NKAIN2: variants seen among roughly 807,000 people sequenced by gnomAD.
NKAIN2 encodes the protein sodium/potassium transporting ATPase interacting 2, also known as sodium/potassium-transporting ATPase subunit beta-1-interacting protein 2.
Under a neutral mutation model 32.6 loss-of-function variants are expected in NKAIN2, and 14 were observed. The observed-to-expected ratio is 0.43, with a 90% CI of 0.28 to 0.67. The LOEUF (loss-of-function observed/expected upper bound fraction) is 0.67, where lower values mean the gene tolerates loss of function less well. Ranked by LOEUF, NKAIN2 falls within the 30% of genes least tolerant of loss-of-function variation. The pLI, the probability that NKAIN2 is intolerant of heterozygous loss-of-function variation, is 0.17. For missense variants in NKAIN2, 198 were observed against 258.3 expected, an observed-to-expected ratio of 0.77 and a Z score of 1.60; for synonymous variants, 80 against 87.2, an observed-to-expected ratio of 0.92 and a Z score of 0.46.
At chr6:123,807,072 C>G (rs568342636) in intron 1 of NKAIN2, among the ~76,000 whole-genome samples, 4 of 152,084 alleles carry the variant, frequency 2.6e-5, no homozygotes, top group African/African-American at 9.6e-5. Flanking sequence ...ATTTACCTGT[C>G]AGAATTCTAT....
intron 1 of NKAIN2, among the ~76,000 whole-genome samples, chr6:123,841,883 C>G (rs1455539318): frequency 2.0e-5 from 3 of 152,148 alleles, no homozygotes; most frequent in Admixed American, 6.5e-5. Flanking sequence ...GTCAGTCAAG[C>G]AACTATAGGA....
At chr6:124,101,279 C>T (rs72976407) in intron 1 of NKAIN2, among the ~76,000 whole-genome samples, 2,929 of 152,236 alleles carry the variant, frequency 0.019, 28 homozygotes, top group Non-Finnish European at 0.029. Flanking sequence ...TTGTTAATCT[C>T]TGAAAATCTG....
At chr6:124,148,033 T>G (rs1787507557) in intron 1 of NKAIN2, among the ~76,000 whole-genome samples, 1 of 152,182 alleles carries the variant, frequency 6.6e-6, no homozygotes, top group African/African-American at 2.4e-5. Context: ...GATATAGGTA[T>G]TCTATAATCA....
chr6:124,344,239 G>T (rs2115096149), intron 2 of NKAIN2, among the ~76,000 whole-genome samples: 1 of 152,242 alleles, frequency 6.6e-6, no homozygotes, highest in East Asian at 1.9e-4. Context: ...CTGTAGCCTT[G>T]TAGTATAGTT....
intron 1 of NKAIN2, among the ~76,000 whole-genome samples, chr6:124,210,266 T>G (rs1339950147): frequency 1.3e-5 from 2 of 151,786 alleles, no homozygotes; most frequent in African/African-American, 4.8e-5. Flanking sequence ...CTGTAATTTA[T>G]GGGTTGTCTA....
Position 124,197,194 on chromosome 6 carries a change from A to G in NKAIN2, c.55-85811A>G, listed in dbSNP as rs181817021. On this transcript the variant is annotated intron_variant, in intron 1 of 6. Coordinates refer to ENST00000368417, the MANE Select transcript of NKAIN2 (RefSeq NM_001040214.3). ...TCTTTTATTTTAAAATACTGCATTT[A>G]TTTTTCTCTATGCTAAATTCATAAG... Among the ~76,000 whole-genome samples, 27 of 151,830 alleles carry G rather than the reference A, an allele frequency of 1.8e-4. 1 individual carries two copies. The East Asian group carries it at 4.8e-3, about 27-fold the overall frequency.
chr6:124,316,636 C>T (rs2115013771), intron 2 of NKAIN2, among the ~76,000 whole-genome samples: 2 of 152,134 alleles, frequency 1.3e-5, no homozygotes, highest in South Asian at 2.1e-4. Flanking sequence ...TCATAAGATA[C>T]AGTTAAGAAA....
chr6:123,895,634 G>C (rs538123430), intron 1 of NKAIN2, among the ~76,000 whole-genome samples: 1 of 152,116 alleles, frequency 6.6e-6, no homozygotes, highest in Non-Finnish European at 1.5e-5. Context: ...ACTAGGGTGG[G>C]GAGTTAGCCA....
intron 1 of NKAIN2, among the ~76,000 whole-genome samples, chr6:124,024,303 T>C (rs1382590334): frequency 6.6e-6 from 1 of 152,090 alleles, no homozygotes; most frequent in Non-Finnish European, 1.5e-5. Flanking sequence ...TATACCCAGA[T>C]TACTCATATT....
chr6:124,128,874 C>T (rs1030546791), intron 1 of NKAIN2, among the ~76,000 whole-genome samples: 7 of 152,156 alleles, frequency 4.6e-5, no homozygotes, highest in African/African-American at 1.4e-4. Context: ...TGTCTGAATA[C>T]GTTTCTGATC....
chr6:124,415,878 C>CTTTTTTTTTTTTTTCTTTTTTT (rs1774444954), intron 3 of NKAIN2, among the ~76,000 whole-genome samples: 1 of 72,590 alleles, frequency 1.4e-5, no homozygotes, highest in Non-Finnish European at 2.6e-5. Flanking sequence ...TTTTTATTTG[C>CTTTTTTTTTTTTTTCTTTTTTT]TTTTTTTTTT....
At chr6:124,122,331 T>C (rs1054198589) in intron 1 of NKAIN2, among the ~76,000 whole-genome samples, 6 of 152,118 alleles carry the variant, frequency 3.9e-5, no homozygotes, top group African/African-American at 1.4e-4. Flanking sequence ...AAACAAGATG[T>C]TTAGTCTGGG....
rs552496023 is a variant in NKAIN2, at chr6:124,633,869, T to C, written c.274-24317T>C. Among the ~76,000 whole-genome samples the C allele has an allele frequency of 2.1e-4, 32 of 152,254 alleles. No individual in the cohort carries two copies. In the South Asian group the frequency reaches 6.6e-3, roughly 32 times the overall value. On this transcript the variant is annotated intron_variant, in intron 3 of 6. Coordinates refer to ENST00000368417, the MANE Select transcript of NKAIN2 (RefSeq NM_001040214.3). ...CACTGGTAGAGTCACTGCACAACCA[T>C]GCATGTGCCTCAGGCTCTTGAGAGC...
chr6:123,825,622 A>G (rs577195190), intron 1 of NKAIN2, among the ~76,000 whole-genome samples: 1 of 152,264 alleles, frequency 6.6e-6, no homozygotes, highest in Admixed American at 6.5e-5. Flanking sequence ...TGAAATGGGC[A>G]TATTCAGCTA....
At chr6:123,934,495 T>G (rs1302244025) in intron 1 of NKAIN2, among the ~76,000 whole-genome samples, 1 of 152,190 alleles carries the variant, frequency 6.6e-6, no homozygotes, top group Non-Finnish European at 1.5e-5. Context: ...GCCATTTATT[T>G]TATGCACATT....
At chr6:124,719,011 C>CTT (rs1775894671) in intron 4 of NKAIN2, among the ~76,000 whole-genome samples, 1 of 152,044 alleles carries the variant, frequency 6.6e-6, no homozygotes, top group South Asian at 2.1e-4. Context: ...GTAAAGAAGA[C>CTT]TTAAATAATA....
At chr6:124,167,171 G>C (rs1236775793) in intron 1 of NKAIN2, among the ~76,000 whole-genome samples, 14 of 140,506 alleles carry the variant, frequency 1.0e-4, no homozygotes, top group Non-Finnish European at 1.6e-4. Context: ...TCTTCCATTT[G>C]TTTGTATCCT....
chr6:124,276,619 C>T (rs1795046883), intron 1 of NKAIN2, among the ~76,000 whole-genome samples: 1 of 152,086 alleles, frequency 6.6e-6, no homozygotes, highest in Admixed American at 6.5e-5. Context: ...ACGAACAACA[C>T]AGAGAATCTT....
At chr6:124,250,058 G>A (rs1793624707) in intron 1 of NKAIN2, among the ~76,000 whole-genome samples, 2 of 152,090 alleles carry the variant, frequency 1.3e-5, no homozygotes, top group Non-Finnish European at 2.9e-5. Flanking sequence ...ATTAGGTCAT[G>A]AGGACAGAGC....
Sources: allele counts gnomAD v4.1 joint callset (sites outside exome capture counted in the v4.1 genomes callset), GRCh38; gene constraint gnomAD v4.1.1; transcripts MANE v1.5; gene names NCBI Gene and HGNC (gene_info 2026-07-23, HGNC 2026-07-21).